The following FOCAD variants were observed in gnomAD, a reference collection of about 807,000 sequenced individuals.
FOCAD encodes KIAA1797.
Under a neutral mutation model 225.6 loss-of-function variants are expected in FOCAD, and 198 were observed. The observed-to-expected ratio is 0.88, with a 90% CI of 0.78 to 0.99. The LOEUF (loss-of-function observed/expected upper bound fraction) is 0.99, where lower values mean the gene tolerates loss of function less well. Among genes scored for constraint, FOCAD ranks in the 50% least tolerant of loss-of-function variants. The pLI is 0.00. For synonymous variants in FOCAD, 897 were observed against 755.0 expected (o/e 1.19, Z -3.08); for missense variants, 2,713 against 2,123.6 (o/e 1.28, Z -5.46).
At chr9:20,687,221 T>C (rs1161229724) in intron 1 of FOCAD, among the ~76,000 whole-genome samples, 1 of 152,204 alleles carries the variant, frequency 6.6e-6, no homozygotes, top group East Asian at 1.9e-4. Flanking sequence ...CCAACTTGCA[T>C]AGATAGTCAG....
In FOCAD at chr9:20,948,350, G is replaced by A. The variant is rs1026657127; in HGVS notation, c.3755G>A (p.Gly1252Asp). 2 of 1,612,528 alleles carry A rather than the reference G, an allele frequency of 1.2e-6. No homozygotes were observed. The highest frequency in any genetic ancestry group is 1.7e-6 in the Non-Finnish European group (2 of 1,179,000). ...GGACATGGAAAAGCTGAAGACTTGG[G>A]CAGCAAACTACTCCCTGCCTGGATC... is the stretch of plus-strand genomic sequence containing the variant. ...VCGHGKAEDL[G>D]SKLLPAWIRI... Residue 1252 changes from glycine to aspartate, a missense_variant, in exon 31 of 44, where the codon GGC becomes GAC. Physicochemically the swap from Gly to Asp is moderately conservative, Grantham distance 94. Transcript: ENST00000338382.
rs1259830427 is a variant in FOCAD, at chr9:20,717,826, G to C, written c.90G>C (p.Lys30Asn). 2 of 1,612,650 alleles carry C rather than the reference G, an allele frequency of 1.2e-6. No homozygotes were observed. The highest frequency in any genetic ancestry group is 4.5e-5 in the East Asian group (2 of 44,772). Reference sequence around the variant, plus strand: ...GTCATCTTATTGCTGCAGTCCTAAAGGAAAATGGTTTTTCAGAAAAGATTC... The same window carrying C: ...GTCATCTTATTGCTGCAGTCCTAAACGAAAATGGTTTTTCAGAAAAGATTC... ...AVGHLIAAVL[K>N]ENGFSEKIHQ... The change falls in exon 3 of 44, where the codon AAG becomes AAC. Residue 30 changes from lysine (K) to asparagine (N), a missense_variant. Transcript: ENST00000338382.
chr9:20,936,355 G>T (rs1053953884), intron 28 of FOCAD, among the ~76,000 whole-genome samples: 1 of 152,188 alleles, frequency 6.6e-6, no homozygotes, highest in South Asian at 2.1e-4. Context: ...AAGGGTAAAT[G>T]ATATGGTAGT....
At chr9:20,760,046 A>G (rs576318800) in intron 6 of FOCAD, among the ~76,000 whole-genome samples, 7 of 152,298 alleles carry the variant, frequency 4.6e-5, no homozygotes, top group East Asian at 1.9e-4. Context: ...CAGGGCCTCA[A>G]TATCTCTTGA....
chr9:20,929,664 T>C, intron 27 of FOCAD, 68 bp downstream of exon 27: 1 of 1,266,922 alleles, frequency 7.9e-7, no homozygotes, highest in Non-Finnish European at 1.1e-6. Context: ...TGCACCCATA[T>C]GCACCTATAT....
intron 5 of FOCAD, among the ~76,000 whole-genome samples, chr9:20,746,242 GC>G (rs1828023446): frequency 6.6e-6 from 1 of 152,150 alleles, no homozygotes; most frequent in Non-Finnish European, 1.5e-5. Context: ...AAGACATGGA[GC>G]CAGCTGCATG....
chr9:20,920,918 C>G (rs1183716195), intron 24 of FOCAD, among the ~76,000 whole-genome samples: 3 of 151,002 alleles, frequency 2.0e-5, no homozygotes, highest in African/African-American at 4.9e-5. Context: ...ACATATGTAA[C>G]TAACCTGCAC....
chr9:20,789,825 A>G (rs1820337390), intron 11 of FOCAD, among the ~76,000 whole-genome samples: 2 of 151,918 alleles, frequency 1.3e-5, no homozygotes, highest in South Asian at 4.1e-4. Flanking sequence ...AAATGAAAGC[A>G]CACTTCACAA....
intron 11 of FOCAD, among the ~76,000 whole-genome samples, chr9:20,793,720 G>C (rs1820778684): frequency 6.6e-6 from 1 of 152,116 alleles, no homozygotes; most frequent in Non-Finnish European, 1.5e-5. Flanking sequence ...GGGACCAGTA[G>C]GTTTGCTTCT....
intron 5 of FOCAD, among the ~76,000 whole-genome samples, chr9:20,742,212 T>G (rs976497941): frequency 6.6e-6 from 1 of 152,140 alleles, no homozygotes; most frequent in African/African-American, 2.4e-5. Flanking sequence ...GAGACAAACA[T>G]GGTAACGATC....
In FOCAD at chr9:20,907,229, A is replaced by G. The variant is rs1435186700; in HGVS notation, c.2705A>G (p.His902Arg). 2.5e-6 allele frequency: 4 copies of G among 1,613,068 alleles called. No homozygotes were observed. The highest frequency in any genetic ancestry group is 2.2e-5 in the South Asian group (2 of 91,034). ...AWLAYMNRAY[H>R]AILQGRLGEL... ...CTTGCATACATGAATCGAGCTTATC[A>G]TGCCATTTTACAGGTAATGAAACCA... Residue 902 changes from histidine to arginine, a missense_variant, in exon 22 of 44, where the codon CAT (histidine) becomes CGT (arginine). Coordinates refer to ENST00000338382, the MANE Select transcript of FOCAD (RefSeq NM_001375567.1).
intron 4 of FOCAD, among the ~76,000 whole-genome samples, chr9:20,739,646 G>T (rs910288793): frequency 6.6e-6 from 1 of 151,764 alleles, no homozygotes; most frequent in African/African-American, 2.4e-5. Context: ...CAAATAGTGA[G>T]TTTTTTATTT....
At chr9:20,700,944 C>T (rs1823891629) in intron 1 of FOCAD, among the ~76,000 whole-genome samples, 1 of 152,292 alleles carries the variant, frequency 6.6e-6, no homozygotes, top group South Asian at 2.1e-4. Context: ...GGTAATAATG[C>T]AGCAGGCTTG....
chr9:20,913,141 T>TACAC (rs1408604372), intron 23 of FOCAD, among the ~76,000 whole-genome samples, 187 bp downstream of exon 23: 18 of 100,494 alleles, frequency 1.8e-4, no homozygotes, highest in African/African-American at 3.2e-4. Context: ...TTATAAATTA[T>TACAC]ACATACACAC....
intron 11 of FOCAD, among the ~76,000 whole-genome samples, chr9:20,798,108 G>T (rs1038172088): frequency 8.5e-5 from 13 of 152,154 alleles, no homozygotes; most frequent in Non-Finnish European, 1.3e-4. Flanking sequence ...AGATAATCAT[G>T]TGGTTTTTGT....
intron 35 of FOCAD, among the ~76,000 whole-genome samples, chr9:20,954,150 C>A (rs1837929461): frequency 6.6e-6 from 1 of 152,048 alleles, no homozygotes; most frequent in African/African-American, 2.4e-5. Flanking sequence ...TAAAAATTGA[C>A]ATATGGTTAT....
At chr9:20,922,027 G>A (rs1450617969) in intron 24 of FOCAD, among the ~76,000 whole-genome samples, 1 of 152,172 alleles carries the variant, frequency 6.6e-6, no homozygotes, top group Admixed American at 6.5e-5. Context: ...CCATTTTGCA[G>A]TAGGAAAGGC....
intron 5 of FOCAD, among the ~76,000 whole-genome samples, chr9:20,741,395 A>G (rs1308616902): frequency 6.6e-6 from 1 of 152,156 alleles, no homozygotes; most frequent in African/African-American, 2.4e-5. Flanking sequence ...TATATCTCAT[A>G]TACCATGATC....
At chr9:20,890,524 C>T (rs923882040) in intron 21 of FOCAD, among the ~76,000 whole-genome samples, 2 of 151,960 alleles carry the variant, frequency 1.3e-5, no homozygotes, top group African/African-American at 4.8e-5. Flanking sequence ...TCCTGGGATA[C>T]ACTCCGCTTG....
Sources: gnomAD v4.1 joint callset for allele counts (sites outside exome capture counted in the v4.1 genomes callset) on GRCh38, gnomAD v4.1.1 for gene constraint, MANE v1.5 for transcripts, NCBI Gene and HGNC (gene_info 2026-07-23, HGNC 2026-07-21) for gene names.